P2RY10: variants seen among roughly 807,000 people sequenced by gnomAD.
The protein encoded by P2RY10 is putative P2Y purinoceptor 10.
In P2RY10, 4 loss-of-function variants were observed where a neutral mutation model predicts 12.1. The ratio of observed to expected loss-of-function variants is 0.33; its 90% CI spans 0.16 to 0.76. The LOEUF is 0.76. Ranked by LOEUF, P2RY10 falls within the 30% of genes least tolerant of loss-of-function variation. P2RY10 has a pLI of 0.61. For missense variants in P2RY10, 233 were observed against 264.6 expected, an observed-to-expected ratio of 0.88 and a Z score of 0.83; for synonymous variants, 112 against 94.1, an observed-to-expected ratio of 1.19 and a Z score of -1.10.
At chrX:78,949,096 C>T (rs1385458347) in intron 2 of P2RY10, among the ~76,000 whole-genome samples, 6 of 110,897 alleles carry the variant, frequency 5.4e-5, no homozygotes, top group East Asian at 2.8e-4. Flanking sequence ...CTTGCAGTAA[C>T]GTGCTATTTT....
rs2147275658 is a variant in P2RY10, at chrX:78,962,467, G to C, written c.*927G>C. On this transcript the variant is annotated 3_prime_UTR_variant, in exon 4 of 4. Transcript: ENST00000171757. ...ATGCTTATGTTATTCCCTTGCTTTT[G>C]TTGTTACATTTATTAGGTCTATACT... Among the ~76,000 whole-genome samples, 1 of 111,944 alleles carries C rather than the reference G, an allele frequency of 8.9e-6. No individual in the cohort carries two copies. Among genetic ancestry groups the C allele is most frequent in the South Asian group, 3.7e-4 (1 of 2,704 alleles).
intron 1 of P2RY10, among the ~76,000 whole-genome samples, chrX:78,946,349 A>G (rs1395117222): frequency 9.0e-6 from 1 of 111,277 alleles, no homozygotes; most frequent in East Asian, 2.8e-4. Flanking sequence ...TTTTTCAGTT[A>G]TTATTGCTAT....
Position 78,963,072 on chromosome X carries a change from A to G in P2RY10, c.*1532A>G, listed in dbSNP as rs1922715243. ...TTCAGCACCATTTTAAAGAATTTGA[A>G]TACAAACAATCCCTCAGCTTATCAG... On this transcript the variant is annotated 3_prime_UTR_variant, in exon 4 of 4. Coordinates refer to ENST00000171757, the MANE Select transcript of P2RY10 (RefSeq NM_014499.4). Among the ~76,000 whole-genome samples the G allele has an allele frequency of 9.0e-6, 1 of 111,696 alleles. No individual in the cohort carries two copies. The highest frequency in any genetic ancestry group is 1.9e-5 in the Non-Finnish European group (1 of 53,149).
In P2RY10 at chrX:78,955,333, C is replaced by T. The variant is rs143034205; in HGVS notation, c.-14+2998C>T. Among the ~76,000 whole-genome samples, 62 of 111,851 alleles carry T rather than the reference C, an allele frequency of 5.5e-4. No individual in the cohort carries two copies. In the East Asian group the frequency reaches 0.017, roughly 31 times the overall value. ...CACTGGCATGAGGCAGATTGATTAA[C>T]ATGAGATAAGGAATTACAATTTATT... On this transcript the variant is annotated intron_variant, in intron 3 of 3. Transcript: ENST00000171757.
intron 1 of P2RY10, among the ~76,000 whole-genome samples, chrX:78,945,957 T>C (rs1295014958): frequency 8.9e-6 from 1 of 111,920 alleles, no homozygotes; most frequent in Non-Finnish European, 1.9e-5. Context: ...CTTTCAGAGA[T>C]ACTGAGACAA....
rs777257684 is a variant in P2RY10 at position 78,954,628 on chromosome X, A to G, written c.-14+2293A>G. 1.3e-4 allele frequency among the ~76,000 whole-genome samples: 15 copies of G among 111,923 alleles called. No individual in the cohort carries two copies. The South Asian group carries it at 5.5e-3, about 41-fold the overall frequency. Reference sequence around the variant, plus strand: ...TCATGAAATGTTTCTGAAATCCGTTATGGTTAGTTACTTATGGCTATCACA... The same window carrying G: ...TCATGAAATGTTTCTGAAATCCGTTGTGGTTAGTTACTTATGGCTATCACA... On this transcript the variant is annotated intron_variant, in intron 3 of 3. Transcript: ENST00000171757.
In P2RY10 at chrX:78,950,439, T is replaced by A. The variant is rs779004097; in HGVS notation, c.-156-1754T>A. 2.7e-5 allele frequency among the ~76,000 whole-genome samples: 3 copies of A among 111,708 alleles called. No individual in the cohort carries two copies. The East Asian group carries it at 8.4e-4, about 31-fold the overall frequency. On this transcript the variant is annotated intron_variant, in intron 2 of 3. Transcript: ENST00000171757. ...ATATAAAATTACTGAAATCCAAGTA[T>A]CTTAGCTACAAATCCAGTACACCTT...
At chrX:78,960,009 C>A (rs763096398) in intron 3 of P2RY10, among the ~76,000 whole-genome samples, 3 of 110,907 alleles carry the variant, frequency 2.7e-5, no homozygotes, top group African/African-American at 9.8e-5. Flanking sequence ...GGAGGCAGGA[C>A]AATTTTTCAA....
intron 3 of P2RY10, among the ~76,000 whole-genome samples, chrX:78,957,921 A>G (rs1461961467): frequency 8.9e-6 from 1 of 112,575 alleles, no homozygotes. Flanking sequence ...AGCTAAAACA[A>G]ATAGCCATTT....
chrX:78,949,142 T>A (rs1487115070), intron 2 of P2RY10, among the ~76,000 whole-genome samples: 1 of 111,780 alleles, frequency 8.9e-6, no homozygotes, highest in Non-Finnish European at 1.9e-5. Context: ...TGACGATTAG[T>A]GATGTGGAGC....
At position 78,960,770 on chromosome X, in the gene P2RY10, G is replaced by A; in HGVS notation, c.250G>A (p.Val84Ile). Residue 84 changes from valine to isoleucine, a missense_variant, in exon 4 of 4, where the codon GTA becomes ATA. By Grantham distance (29) the Val-to-Ile change is conservative. Coordinates refer to ENST00000171757, the MANE Select transcript of P2RY10 (RefSeq NM_014499.4). ...INLSVADLAH[V>I]LSLPLRIYYY... ...CCTCTCTGTGGCTGACCTTGCTCAT[G>A]TATTATCTTTACCCCTCCGGATTTA... is the stretch of plus-strand genomic sequence containing the variant. 1 of 1,211,659 alleles carries A rather than the reference G, an allele frequency of 8.3e-7. No individual in the cohort carries two copies. Among genetic ancestry groups the A allele is most frequent in the Non-Finnish European group, 1.1e-6 (1 of 895,378 alleles).
In P2RY10 at chrX:78,962,440, A is replaced by G. The variant is rs1259119249; in HGVS notation, c.*900A>G. Among the ~76,000 whole-genome samples, 1 of 111,982 alleles carries G rather than the reference A, an allele frequency of 8.9e-6. No individual in the cohort carries two copies. The highest frequency in any genetic ancestry group is 3.2e-5 in the African/African-American group (1 of 30,788). On this transcript the variant is annotated 3_prime_UTR_variant, in exon 4 of 4. Transcript: ENST00000171757. ...AAATTGGTCCAGTATAATACACCAT[A>G]TATGCTTATGTTATTCCCTTGCTTT... is the stretch of plus-strand genomic sequence containing the variant.
chrX:78,948,026 G>A (rs1487165900), intron 2 of P2RY10, among the ~76,000 whole-genome samples, 163 bp downstream of exon 2: 1 of 111,954 alleles, frequency 8.9e-6, no homozygotes, highest in Admixed American at 9.4e-5. Flanking sequence ...CAAGGTTACT[G>A]TGAACTTGCC....
chrX:78,957,671 C>T (rs889045257), intron 3 of P2RY10, among the ~76,000 whole-genome samples: 1 of 111,388 alleles, frequency 9.0e-6, no homozygotes, highest in Non-Finnish European at 1.9e-5. Flanking sequence ...GGAAAAAAAG[C>T]CCTTCTTACC....
At chrX:78,951,800 TG>T (rs1922114787) in intron 2 of P2RY10, among the ~76,000 whole-genome samples, 1 of 111,732 alleles carries the variant, frequency 8.9e-6, no homozygotes, top group Non-Finnish European at 1.9e-5. Flanking sequence ...ATGTGCAGGA[TG>T]TGCAGGGTTG....
chrX:78,960,993 T>A lies in P2RY10; in HGVS notation c.473T>A (p.Ile158Asn). 1 of 1,211,650 alleles carries A rather than the reference T, an allele frequency of 8.3e-7. No individual in the cohort carries two copies. The highest frequency in any genetic ancestry group is 1.1e-6 in the Non-Finnish European group (1 of 895,349). Reference protein sequence around the residue: ...YDVGISAAIWIVVGTACLPFP... With the variant: ...YDVGISAAIWNVVGTACLPFP... ...GTGGGCATCAGTGCTGCCATCTGGA[T>A]CGTTGTGGGGACTGCCTGTTTGCCA... The change falls in exon 4 of 4, where the codon ATC becomes AAC. Residue 158 changes from isoleucine to asparagine, a missense_variant. Physicochemically the swap from Ile to Asn is moderately radical, Grantham distance 149 (BLOSUM62 -3). Transcript: ENST00000171757.
Position 78,961,819 on chromosome X carries a change from G to A in P2RY10, c.*279G>A, listed in dbSNP as rs1922640526. 1 of 240,126 alleles carries A rather than the reference G, an allele frequency of 4.2e-6. No individual in the cohort carries two copies. The highest frequency in any genetic ancestry group is 7.7e-6 in the Non-Finnish European group (1 of 129,603). 19.8% of individuals were successfully genotyped at this position (240,126 alleles called of 1,213,427 possible). The stretch of plus-strand genomic sequence containing the variant: ...CAAGTTTTTACAGATGTAAATAAAA[G>A]TTGAATAGTTTACCTTAAATTTTTT... On this transcript the variant is annotated 3_prime_UTR_variant, in exon 4 of 4. Transcript: ENST00000171757.
chrX:78,946,935 C>G (rs747831150), intron 1 of P2RY10, among the ~76,000 whole-genome samples: 1 of 112,052 alleles, frequency 8.9e-6, no homozygotes, highest in Non-Finnish European at 1.9e-5. Flanking sequence ...GGCCAGCCTG[C>G]TGGGCTTGGT....
rs185050175 is a variant in P2RY10, at chrX:78,963,369, C to T, written c.*1829C>T. 4.5e-5 allele frequency among the ~76,000 whole-genome samples: 5 copies of T among 112,353 alleles called. No individual in the cohort carries two copies. The highest frequency in any genetic ancestry group is 3.7e-4 in the South Asian group (1 of 2,716). On this transcript the variant is annotated 3_prime_UTR_variant, in exon 4 of 4. Coordinates refer to ENST00000171757, the MANE Select transcript of P2RY10 (RefSeq NM_014499.4). ...ATCTGAATCTAATGGCACTTCCTTA[C>T]GAGGGTTTTCAGATGTGCTTGTAGT...
Sources: gnomAD v4.1 joint callset for allele counts (sites outside exome capture counted in the v4.1 genomes callset) on GRCh38, gnomAD v4.1.1 for gene constraint, MANE v1.5 for transcripts, NCBI Gene and HGNC (gene_info 2026-07-23, HGNC 2026-07-21) for gene names.